The following CRTC3 variants were observed in gnomAD, a reference collection of about 807,000 sequenced individuals.
The protein encoded by CRTC3 is CREB regulated transcription coactivator 3.
In CRTC3, 26 loss-of-function variants were observed where a neutral mutation model predicts 74.5. That is an observed-to-expected ratio of 0.35 (90% CI 0.26 to 0.48). The LOEUF (loss-of-function observed/expected upper bound fraction) is 0.48. CRTC3 is among the 20% of genes least tolerant of loss of function. CRTC3 has a pLI of 0.99. For missense variants in CRTC3, 760 were observed against 787.3 expected, an observed-to-expected ratio of 0.97 and a Z score of 0.41; for synonymous variants, 377 against 325.8, an observed-to-expected ratio of 1.16 and a Z score of -1.69.
chr15:90,631,853 A>G (rs1015461953), intron 11 of CRTC3, among the ~76,000 whole-genome samples: 3 of 152,036 alleles, frequency 2.0e-5, no homozygotes, highest in African/African-American at 7.3e-5. Context: ...AAGGGCTGGA[A>G]TTAGCCAGTG....
rs200135460 is a variant in CRTC3, at chr15:90,579,633, A to C, written c.232-14003A>C. On this transcript the variant is annotated intron_variant, in intron 2 of 14. Transcript: ENST00000268184. ...TGATTACATGGAGTAAACGTATTTCACTTTTTTTTTTTTTTTTTTTTTTTT... is the reference window on the plus strand; with the variant it reads ...TGATTACATGGAGTAAACGTATTTCCCTTTTTTTTTTTTTTTTTTTTTTTT... Among the ~76,000 whole-genome samples the C allele has an allele frequency of 8.6e-3, 918 of 106,722 alleles. 35 individuals carry two copies. In the East Asian group the frequency reaches 0.14, roughly 16 times the overall value. 70.0% of individuals were successfully genotyped at this position (106,722 alleles called of 152,430 possible).
At chr15:90,553,211 G>T (rs909138194) in intron 2 of CRTC3, among the ~76,000 whole-genome samples, 1 of 152,130 alleles carries the variant, frequency 6.6e-6, no homozygotes, top group African/African-American at 2.4e-5. Flanking sequence ...CTTTTTAAGA[G>T]TTCGTACCTC....
intron 2 of CRTC3, among the ~76,000 whole-genome samples, chr15:90,569,997 G>T (rs573071356): frequency 6.6e-6 from 1 of 152,246 alleles, no homozygotes; most frequent in African/African-American, 2.4e-5. Context: ...GCTCAGTGCA[G>T]TTTGAAATTA....
chr15:90,634,907 A>G lies in CRTC3; in HGVS notation c.1267-3539A>G. On this transcript the variant is annotated intron_variant, in intron 11 of 14. Coordinates refer to ENST00000268184, the MANE Select transcript of CRTC3 (RefSeq NM_022769.5). ...CTAAAGGTAAGGCTGGAGAGATTCA[A>G]CCAGTTAGCGTGAAAGTTGGAGATA... 5 of 1,575,678 alleles carry G rather than the reference A, an allele frequency of 3.2e-6. No homozygotes were observed. The African/African-American group carries it at 6.7e-5, about 21-fold the overall frequency.
intron 2 of CRTC3, among the ~76,000 whole-genome samples, chr15:90,575,838 A>T (rs1038190099): frequency 8.5e-5 from 13 of 152,114 alleles, no homozygotes; most frequent in African/African-American, 2.4e-5. Flanking sequence ...TTATTTATTT[A>T]TTCTCTTTAC....
At chr15:90,582,044 C>T (rs561918141) in intron 2 of CRTC3, among the ~76,000 whole-genome samples, 2 of 152,306 alleles carry the variant, frequency 1.3e-5, no homozygotes, top group East Asian at 3.9e-4. Context: ...CTAGGCCGGA[C>T]TCCTGCCACT....
At chr15:90,562,890 T>A (rs1022283975) in intron 2 of CRTC3, among the ~76,000 whole-genome samples, 3 of 151,766 alleles carry the variant, frequency 2.0e-5, no homozygotes, top group Non-Finnish European at 4.4e-5. Context: ...GAGAATGGGG[T>A]GGGCCAACAG....
intron 2 of CRTC3, among the ~76,000 whole-genome samples, chr15:90,545,044 C>G (rs1966841996): frequency 6.6e-6 from 1 of 152,206 alleles, no homozygotes; most frequent in Non-Finnish European, 1.5e-5. Flanking sequence ...ACTGTTTTTT[C>G]TGTCTCTATG....
At position 90,602,359 on chromosome 15, in the gene CRTC3, A is replaced by G. The variant is rs1443004513; in HGVS notation, c.387A>G (p.Ser129=). 2.5e-6 allele frequency: 4 copies of G among 1,601,348 alleles called. No individual in the cohort carries two copies. Among genetic ancestry groups the G allele is most frequent in the Admixed American group, 3.3e-5 (2 of 59,940 alleles). ...GTGCTTTTGGAGCCAATTATTCCTCACAGCCTCTGGATGAGAGTTGGCCAA... is the reference window on the plus strand; with the variant it reads ...GTGCTTTTGGAGCCAATTATTCCTCGCAGCCTCTGGATGAGAGTTGGCCAA... ...DGSAFGANYS[S]QPLDESWPRQ... is the part of the protein sequence containing the mutation. Residue 129 remains serine (S), a synonymous_variant, in exon 4 of 15, where the codon TCA becomes TCG. Transcript: ENST00000268184.
chr15:90,588,272 AAGT>A (rs1316112804), intron 2 of CRTC3, among the ~76,000 whole-genome samples: 1 of 150,748 alleles, frequency 6.6e-6, no homozygotes, highest in East Asian at 2.0e-4. Flanking sequence ...AAAAAAAAAA[AAGT>A]AAGAAAAATG....
rs267604382 is a variant in CRTC3 at position 90,638,469 on chromosome 15, A to G, written c.1290A>G (p.Gln430=). 6.2e-7 allele frequency: 1 copy of G among 1,614,084 alleles called. No individual in the cohort carries two copies. The highest frequency in any genetic ancestry group is 1.1e-5 in the South Asian group (1 of 91,080). ...TSQMVSSDRS[Q]LSFLPTEAQA... is the part of the protein sequence containing the mutation. ...AGATGGTGTCCTCAGACCGAAGCCA[A>G]CTTTCCTTTCTGCCCACAGAAGCTC... Residue 430 remains glutamine, a synonymous_variant, in exon 12 of 15, where the codon CAA becomes CAG. Coordinates refer to ENST00000268184, the MANE Select transcript of CRTC3 (RefSeq NM_022769.5).
chr15:90,645,213 T>G lies in CRTC3; in HGVS notation c.*3073T>G, dbSNP rs1298112183. On this transcript the variant is annotated 3_prime_UTR_variant, in exon 15 of 15. Coordinates refer to ENST00000268184, the MANE Select transcript of CRTC3 (RefSeq NM_022769.5). ...AGCAACTAATCAGACTTCCTGCCAG[T>G]GTCCTAACCCCCAGGGCACCCTGTT... 3.9e-5 allele frequency: 9 copies of G among 229,384 alleles called. No individual in the cohort carries two copies. In the East Asian group the frequency reaches 5.6e-4, roughly 14 times the overall value. The allele number at this position is 229,384 out of a possible 1,614,324, so 14.2% of individuals were successfully genotyped here.
chr15:90,614,590 C>T, intron 7 of CRTC3, 102 bp downstream of exon 7: 1 of 813,720 alleles, frequency 1.2e-6, no homozygotes, highest in Admixed American at 2.3e-5. Context: ...TCAGGACTCC[C>T]CCAAATGCTG....
intron 6 of CRTC3, among the ~76,000 whole-genome samples, chr15:90,611,022 A>G (rs1373135419): frequency 6.6e-6 from 1 of 152,122 alleles, no homozygotes; most frequent in Admixed American, 6.5e-5. Flanking sequence ...CTGCAGAGTT[A>G]AGGAGAAGGT....
chr15:90,624,694 G>T (rs1968768028), intron 9 of CRTC3, among the ~76,000 whole-genome samples: 1 of 152,232 alleles, frequency 6.6e-6, no homozygotes, highest in Non-Finnish European at 1.5e-5. Flanking sequence ...CTGCCACGTT[G>T]CAGTTACTTG....
chr15:90,549,463 T>C (rs1263578761), intron 2 of CRTC3, among the ~76,000 whole-genome samples: 1 of 152,168 alleles, frequency 6.6e-6, no homozygotes, highest in Non-Finnish European at 1.5e-5. Context: ...TTTAAAGCCT[T>C]TTTAATAACT....
chr15:90,628,832 G>A (rs981302012), intron 10 of CRTC3, among the ~76,000 whole-genome samples: 4 of 151,922 alleles, frequency 2.6e-5, no homozygotes, highest in African/African-American at 9.7e-5. Flanking sequence ...AAGGTAGCAG[G>A]GGATGCAGGC....
intron 13 of CRTC3, 67 bp downstream of exon 13, chr15:90,638,882 G>A: frequency 1.5e-6 from 2 of 1,354,940 alleles, no homozygotes; most frequent in East Asian, 2.3e-5. Context: ...TGTTCATTCT[G>A]TAGAATTCAG....
In CRTC3 at chr15:90,530,246, G is replaced by A. The variant is rs1016735059; in HGVS notation, c.132+43G>A. 3.8e-6 allele frequency: 4 copies of A among 1,041,958 alleles called. No homozygotes were observed. The African/African-American group carries it at 6.9e-5, about 18-fold the overall frequency. 64.5% of individuals were successfully genotyped at this position (1,041,958 alleles called of 1,614,324 possible). A position where few individuals can be genotyped will look rare whatever the true frequency, so the allele number is the denominator to read the frequency against. ...CGCGGGCGGGGGCGGCCACGGCCGC[G>A]GGCGGGACCCGCGCGGCGGGTGAGA... On this transcript the variant is annotated intron_variant, in intron 1 of 14. Transcript: ENST00000268184. The surrounding 1 kb of genome is among the most constrained non-coding windows in gnomAD (Gnocchi z 6.2).
Sources: allele counts gnomAD v4.1 joint callset (sites outside exome capture counted in the v4.1 genomes callset), GRCh38; gene constraint gnomAD v4.1.1; non-coding constraint Gnocchi (gnomAD v3.1); transcripts MANE v1.5; gene names NCBI Gene and HGNC (gene_info 2026-07-23, HGNC 2026-07-21).